Variants in ZBTB20 observed in about 807,000 individuals in gnomAD.
ZBTB20 encodes zinc finger and BTB domain containing 20, also known as zinc finger and BTB domain-containing protein 20.
ZBTB20 carries 9 observed loss-of-function variants against 56.9 expected under a neutral mutation model. The ratio of observed to expected loss-of-function variants is 0.16; its 90% CI spans 0.10 to 0.28. ZBTB20 has a LOEUF of 0.28. ZBTB20 is among the 10% of genes least tolerant of loss of function. The pLI is 1.00. For synonymous variants in ZBTB20, 417 were observed against 420.7 expected (o/e 0.99, Z 0.11); for missense variants, 655 against 1,003.0 (o/e 0.65, Z 4.69).
At chr3:114,434,837 A>G (rs1210363612) in intron 7 of ZBTB20, among the ~76,000 whole-genome samples, 2 of 152,122 alleles carry the variant, frequency 1.3e-5, no homozygotes, top group Non-Finnish European at 2.9e-5. Context: ...AGGCGCATGG[A>G]AAAAGTTTAG....
At chr3:114,930,820 G>T in intron 3 of ZBTB20, 1 of 291,178 alleles carries the variant, frequency 3.4e-6, no homozygotes, top group Non-Finnish European at 6.9e-6. Context: ...AGGACACGGA[G>T]AGACTGTGGA....
chr3:115,114,485 A>T (rs1278105077), intron 1 of ZBTB20, among the ~76,000 whole-genome samples: 2 of 152,186 alleles, frequency 1.3e-5, no homozygotes, highest in Non-Finnish European at 2.9e-5. Flanking sequence ...CTTCAGATGA[A>T]TAAGTCATTC....
At chr3:114,522,310 T>C (rs911965195) in intron 6 of ZBTB20, among the ~76,000 whole-genome samples, 2 of 139,148 alleles carry the variant, frequency 1.4e-5, no homozygotes, top group African/African-American at 2.9e-5. Context: ...TCATGCATGG[T>C]AGGCTGGAGG....
At chr3:114,387,874 C>G (rs948257393) in intron 8 of ZBTB20, 1 of 152,240 alleles carries the variant, frequency 6.6e-6, no homozygotes, top group East Asian at 1.9e-4. Flanking sequence ...CTATAGAACA[C>G]ATTCCCCTCC....
chr3:114,731,757 C>CCCGGCTGTACCTAGATTAGTAACTAAT (rs1560181638), intron 5 of ZBTB20, among the ~76,000 whole-genome samples: 10,305 of 77,534 alleles, frequency 0.13, 5,051 homozygotes, highest in African/African-American at 0.18. Flanking sequence ...TAGTAACTAA[C>CCCGGCTGTACCTAGATTAGTAACTAAT]CCGGCTGTAC....
intron 5 of ZBTB20, among the ~76,000 whole-genome samples, chr3:114,778,751 G>A (rs1266504462): frequency 6.6e-6 from 1 of 152,146 alleles, no homozygotes; most frequent in Admixed American, 6.5e-5. Flanking sequence ...TTCTTTTGGA[G>A]AAAATAGTCC....
chr3:115,107,951 A>T (rs1280428016), intron 1 of ZBTB20, among the ~76,000 whole-genome samples: 4 of 152,202 alleles, frequency 2.6e-5, no homozygotes, highest in East Asian at 1.9e-4. Flanking sequence ...ACACATGGAC[A>T]CAGGGAGAGG....
intron 2 of ZBTB20, among the ~76,000 whole-genome samples, chr3:115,014,306 G>T (rs1186750553): frequency 6.6e-6 from 1 of 151,452 alleles, no homozygotes; most frequent in Non-Finnish European, 1.5e-5. Flanking sequence ...ATGGTTAATG[G>T]GTTAAAAATA....
chr3:115,030,280 C>T (rs557259375), intron 2 of ZBTB20, among the ~76,000 whole-genome samples: 19 of 151,160 alleles, frequency 1.3e-4, no homozygotes, highest in Admixed American at 1.2e-3. Flanking sequence ...AGCATCATTT[C>T]TGACATCCCT....
At chr3:114,906,553 G>C (rs914470632) in intron 3 of ZBTB20, among the ~76,000 whole-genome samples, 1 of 150,428 alleles carries the variant, frequency 6.6e-6, no homozygotes. Context: ...AAATGAGGGG[G>C]ATTTTATATA....
intron 5 of ZBTB20, among the ~76,000 whole-genome samples, chr3:114,772,556 T>C (rs980914024): frequency 1.3e-5 from 2 of 152,048 alleles, no homozygotes; most frequent in African/African-American, 4.8e-5. Flanking sequence ...TCGCCCCTAG[T>C]TATTCTGTTT....
chr3:114,655,224 T>C (rs535900932), intron 6 of ZBTB20, among the ~76,000 whole-genome samples: 14 of 150,524 alleles, frequency 9.3e-5, no homozygotes, highest in Admixed American at 4.0e-4. Context: ...GTCATTGTTA[T>C]TCTTCTGTTT....
Position 114,315,006 on chromosome 3 carries a change from C to A in ZBTB20, c.*23999G>T, listed in dbSNP as rs932220173. 6.6e-6 allele frequency: 1 copy of A among 151,822 alleles called. No homozygotes were observed. Among genetic ancestry groups the A allele is most frequent in the African/African-American group, 2.4e-5 (1 of 41,298 alleles). The allele number at this position is 151,822 out of a possible 1,614,324, so 9.4% of individuals were successfully genotyped here. A position where few individuals can be genotyped will look rare whatever the true frequency, so the allele number is the denominator to read the frequency against. ...ATTTTAAAGCACTTGATAGAAAAGG[C>A]GTATGCAAGGTTTTTCCAAACAATT... On this transcript the variant is annotated 3_prime_UTR_variant, in exon 12 of 12. Coordinates refer to ENST00000675478, the MANE Select transcript of ZBTB20 (RefSeq NM_001348800.3).
intron 6 of ZBTB20, among the ~76,000 whole-genome samples, chr3:114,573,508 G>A (rs2053665372): frequency 1.8e-5 from 2 of 113,632 alleles, no homozygotes; most frequent in African/African-American, 3.2e-5. Flanking sequence ...ATGAAAGAAA[G>A]AAAAGAAAGA....
At chr3:114,889,660 T>C (rs1484125154) in intron 4 of ZBTB20, among the ~76,000 whole-genome samples, 1 of 152,078 alleles carries the variant, frequency 6.6e-6, no homozygotes, top group African/African-American at 2.4e-5. Context: ...ATACATAAAT[T>C]ATTAATATTA....
At chr3:114,525,678 C>T (rs928968972) in intron 6 of ZBTB20, among the ~76,000 whole-genome samples, 4 of 152,090 alleles carry the variant, frequency 2.6e-5, no homozygotes, top group African/African-American at 9.7e-5. Flanking sequence ...TTATTTTTGG[C>T]CTAAGGATCC....
At chr3:115,026,778 T>C (rs1316606031) in intron 2 of ZBTB20, among the ~76,000 whole-genome samples, 1 of 150,670 alleles carries the variant, frequency 6.6e-6, no homozygotes. Context: ...TGTATATTGA[T>C]TAAATAAACA....
intron 7 of ZBTB20, among the ~76,000 whole-genome samples, chr3:114,487,073 T>G (rs547677959): frequency 6.6e-6 from 1 of 152,166 alleles, no homozygotes; most frequent in African/African-American, 2.4e-5. Flanking sequence ...ACAAGTAGGA[T>G]GCGTGTATGT....
chr3:114,629,441 TC>T (rs1341677613), intron 6 of ZBTB20, among the ~76,000 whole-genome samples: 1 of 152,180 alleles, frequency 6.6e-6, no homozygotes, highest in African/African-American at 2.4e-5. Context: ...GTTGTTTGCT[TC>T]ACTATAGCTT....
Sources: allele counts gnomAD v4.1 joint callset (sites outside exome capture counted in the v4.1 genomes callset), GRCh38; gene constraint gnomAD v4.1.1; transcripts MANE v1.5; gene names NCBI Gene and HGNC (gene_info 2026-07-23, HGNC 2026-07-21).